Variants in LTBR observed in about 807,000 individuals in gnomAD.
LTBR encodes lymphotoxin beta receptor, also known as tumor necrosis factor receptor superfamily member 3.
LTBR carries 15 observed loss-of-function variants against 45.4 expected under a neutral mutation model. The ratio of observed to expected loss-of-function variants is 0.33; its 90% CI spans 0.22 to 0.51. The LOEUF (loss-of-function observed/expected upper bound fraction) is 0.51, where lower values mean the gene tolerates loss of function less well. LTBR is among the 20% of genes least tolerant of loss of function. The pLI is 0.97. For synonymous variants in LTBR, 228 were observed against 231.0 expected, an observed-to-expected ratio of 0.99 and a Z score of 0.12; for missense variants, 450 against 565.5, an observed-to-expected ratio of 0.80 and a Z score of 2.07.
upstream of LTBR, among the ~76,000 whole-genome samples, chr12:6,382,792 C>T (rs1948997216): frequency 6.6e-6 from 1 of 152,224 alleles, no homozygotes; most frequent in Non-Finnish European, 1.5e-5. Flanking sequence ...GAGTGCTGAA[C>T]AGAGTCCTTC....
intron 9 of LTBR, 99 bp from the exon 10 acceptor site, chr12:6,390,561 C>A: frequency 7.9e-7 from 1 of 1,260,410 alleles, no homozygotes; most frequent in Non-Finnish European, 1.1e-6. Context: ...AGGAGAGGGG[C>A]GGGGCCAGGG....
At position 6,385,339 on chromosome 12, in the gene LTBR, A is replaced by G. The variant is rs1227687240; in HGVS notation, c.432A>G (p.Leu144=). The change falls in exon 4 of 10, where the codon CTA becomes CTG. Residue 144 remains leucine (L), a synonymous_variant. Coordinates refer to ENST00000228918, the MANE Select transcript of LTBR (RefSeq NM_002342.3). The stretch of plus-strand genomic sequence containing the variant: ...CCCTCGAGTGTACACACTGCGAGCT[A>G]CTTTCTGACTGCCCGCCTGGCACTG... The part of the protein sequence containing the change: ...AWALECTHCE[L]LSDCPPGTEA... 1.2e-6 allele frequency: 2 copies of G among 1,614,096 alleles called. No individual in the cohort carries two copies. Among genetic ancestry groups the G allele is most frequent in the Non-Finnish European group, 1.7e-6 (2 of 1,180,008 alleles).
Position 6,385,280 on chromosome 12 carries a change from C to T in LTBR, c.373C>T (p.Arg125Cys), listed in dbSNP as rs371101623. 2 of 1,613,976 alleles carry T rather than the reference C, an allele frequency of 1.2e-6. No individual in the cohort carries two copies. Among genetic ancestry groups the T allele is most frequent in the African/African-American group, 1.3e-5 (1 of 74,926 alleles). The change falls in exon 4 of 10, where the codon CGC becomes TGC. Residue 125 changes from arginine to cysteine, a missense_variant. Transcript: ENST00000228918. Reference protein sequence around the residue: ...PCTSKRKTQCRCQPGMFCAAW... With the variant: ...PCTSKRKTQCCCQPGMFCAAW... ...CACAAGCAAACGGAAGACCCAGTGC[C>T]GCTGCCAGCCGGGAATGTTCTGTGC...
chr12:6,375,654 GGAGGGCTCCC>G, intron 1 of LTBR: 1 of 1,481,994 alleles, frequency 6.7e-7, no homozygotes, highest in Non-Finnish European at 8.9e-7. Context: ...TCCGAAGGAA[GGAGGGCTCCC>G]GAGGGCAGGT....
rs921404726 is a variant in LTBR at position 6,390,050 on chromosome 12, G to GGAGA, written c.802-57_802-54dup. On this transcript the variant is annotated intron_variant, in intron 8 of 9. Coordinates refer to ENST00000228918, the MANE Select transcript of LTBR (RefSeq NM_002342.3). ...AAAGAGAGAAAGAAGAGGGAGGGAGGGAGAGAGAAAAAAGGGTCTGGGGCC... is the reference window on the plus strand; with the variant it reads ...AAAGAGAGAAAGAAGAGGGAGGGAGGGAGAGAGAGAGAAAAAAGGGTCTGGGGCC... 12 of 989,176 alleles carry GGAGA rather than the reference G, an allele frequency of 1.2e-5. No homozygotes were observed. In the African/African-American group the frequency reaches 1.8e-4, roughly 15 times the overall value. The allele number at this position is 989,176 out of a possible 1,614,324, so 61.3% of individuals were successfully genotyped here. A position where few individuals can be genotyped will look rare whatever the true frequency, so the allele number is the denominator to read the frequency against.
At position 6,386,259 on chromosome 12, in the gene LTBR, C is replaced by T; in HGVS notation, c.570-88C>T. 4.8e-6 allele frequency: 7 copies of T among 1,473,418 alleles called. No homozygotes were observed. Among genetic ancestry groups the T allele is most frequent in the Non-Finnish European group, 6.6e-6 (7 of 1,056,060 alleles). 91.3% of individuals were successfully genotyped at this position (1,473,418 alleles called of 1,614,324 possible). A position where few individuals can be genotyped will look rare whatever the true frequency, so the allele number is the denominator to read the frequency against. ...TCCTTGACACCACGGACTCGACTCA[C>T]CACTTTCAGCCTCCCCGCCTGCCCA... is the stretch of plus-strand genomic sequence containing the variant. On this transcript the variant is annotated intron_variant, in intron 5 of 9. Transcript: ENST00000228918. This position sits in a 1 kb window ranked among gnomAD's most constrained non-coding sequence, Gnocchi z 4.1.
chr12:6,375,437 G>C, exon 1 of LTBR: 1 of 1,534,126 alleles, frequency 6.5e-7, no homozygotes, highest in Non-Finnish European at 8.7e-7. Flanking sequence ...CCACTCCCAG[G>C]TTGCGGCTGG....
At chr12:6,380,703 A>G (rs866043928), upstream of LTBR, among the ~76,000 whole-genome samples, 12 of 151,666 alleles carry the variant, frequency 7.9e-5, no homozygotes, top group East Asian at 1.9e-4. Flanking sequence ...AAAAAAAAAA[A>G]AAGAAGAAGA....
chr12:6,384,863 C>A, intron 2 of LTBR, 159 bp from the exon 3 acceptor site: 1 of 1,060,092 alleles, frequency 9.4e-7, no homozygotes, highest in Non-Finnish European at 1.4e-6. Context: ...CCCACTGGGC[C>A]TCCTCTTTCC....
At chr12:6,384,009 G>A (rs867712612), upstream of LTBR, 108 of 1,156,974 alleles carry the variant, frequency 9.3e-5, no homozygotes, top group Middle Eastern at 1.4e-3. Flanking sequence ...GAGGAGGCCG[G>A]TTCCGGCCCC....
intron 1 of LTBR, chr12:6,376,264 C>G: frequency 1.1e-6 from 1 of 877,288 alleles, no homozygotes; most frequent in Non-Finnish European, 1.4e-6. Flanking sequence ...CCCCCTCCAA[C>G]CTTGTCCAGA....
At position 6,384,327 on chromosome 12, in the gene LTBR, C is replaced by T. The variant is rs1207831153; in HGVS notation, c.-32C>T. 1.3e-4 allele frequency: 192 copies of T among 1,460,792 alleles called. No individual in the cohort carries two copies. The highest frequency in any genetic ancestry group is 1.7e-4 in the Non-Finnish European group (191 of 1,112,176). 90.5% of individuals were successfully genotyped at this position (1,460,792 alleles called of 1,614,324 possible). A position where few individuals can be genotyped will look rare whatever the true frequency, so the allele number is the denominator to read the frequency against. On this transcript the variant is annotated 5_prime_UTR_variant, in exon 1 of 10. Transcript: ENST00000228918. ...GCCTCCTGCCTTCCTCCCAGGCCCC[C>T]ACGTTGCTGGCCGCCTGGCCGAGTG...
chr12:6,390,404 C>G, intron 9 of LTBR, 64 bp downstream of exon 9: 1 of 1,394,612 alleles, frequency 7.2e-7, no homozygotes, highest in Non-Finnish European at 9.9e-7. Context: ...CAGGGAGAGA[C>G]TGTGGGCCAG....
rs765849869 is a variant in LTBR, at chr12:6,386,468, A to AGG, written c.667+24_667+25insGG. 1.0e-5 allele frequency: 12 copies of AGG among 1,162,726 alleles called. No individual in the cohort carries two copies. The highest frequency in any genetic ancestry group is 1.4e-5 in the South Asian group (1 of 70,216). 72.0% of individuals were successfully genotyped at this position (1,162,726 alleles called of 1,614,324 possible). ...AGGTGAGGGACCAGGGCTGAGGGAC[A>AGG]CGGGGGGGGCGCCTCTGAAAATGCC... On this transcript the variant is annotated intron_variant, in intron 6 of 9. Transcript: ENST00000228918. The surrounding 1 kb of genome is among the most constrained non-coding windows in gnomAD (Gnocchi z 4.1).
rs949126842 is a variant in LTBR, at chr12:6,388,496, A to G, written c.766A>G (p.Arg256Gly). Residue 256 changes from arginine (R) to glycine (G), a missense_variant, in exon 7 of 10, where the codon AGG becomes GGG. Arg to Gly is a moderately radical substitution (Grantham distance 125). Coordinates refer to ENST00000228918, the MANE Select transcript of LTBR (RefSeq NM_002342.3). The surrounding 1 kb of genome is among the most constrained non-coding windows in gnomAD (Gnocchi z 4.3). ...CIWKSHPSLC[R>G]KLGSLLKRRP... is the part of the protein sequence containing the mutation. Reference sequence around the variant, plus strand: ...CTGGAAGAGCCACCCTTCTCTCTGCAGGAAACTGGGTAGGAAAGGGTTGGA... The same window carrying G: ...CTGGAAGAGCCACCCTTCTCTCTGCGGGAAACTGGGTAGGAAAGGGTTGGA... The G allele has an allele frequency of 1.2e-6, 2 of 1,613,866 alleles. No homozygotes were observed. Among genetic ancestry groups the G allele is most frequent in the African/African-American group, 2.7e-5 (2 of 74,912 alleles).
chr12:6,377,701 G>A (rs1456015918), intron 1 of LTBR: 2 of 1,293,270 alleles, frequency 1.5e-6, no homozygotes, highest in Non-Finnish European at 2.0e-6. Flanking sequence ...AAGGTGCTCA[G>A]CACCCTGGCT....
chr12:6,375,528 G>GGGGAGCCCGCCCGCCGGCCGGCCA, exon 1 of LTBR: 1 of 1,535,380 alleles, frequency 6.5e-7, no homozygotes. Flanking sequence ...CGGCCTGGCT[G>GGGGAGCCCGCCCGCCGGCCGGCCA]GGGAGCCCGC....
upstream of LTBR, among the ~76,000 whole-genome samples, chr12:6,383,844 C>T (rs1025895114): frequency 7.9e-5 from 12 of 152,210 alleles, no homozygotes; most frequent in East Asian, 2.1e-3. Context: ...CCTCGCTTTC[C>T]AGATCCCGCA....
At position 6,388,962 on chromosome 12, in the gene LTBR, C is replaced by T. The variant is rs138453324; in HGVS notation, c.801+137C>T. On this transcript the variant is annotated intron_variant, in intron 8 of 9. Transcript: ENST00000228918. The surrounding 1 kb of genome is among the most constrained non-coding windows in gnomAD (Gnocchi z 4.3). Reference sequence around the variant, plus strand: ...AACTGATGATTTACTGAACATGCCACGTACCAGGCACTGTCCTAGGCACTG... The same window carrying T: ...AACTGATGATTTACTGAACATGCCATGTACCAGGCACTGTCCTAGGCACTG... 116 of 1,085,316 alleles carry T rather than the reference C, an allele frequency of 1.1e-4. 1 individual carries two copies. The South Asian group carries it at 1.4e-3, about 13-fold the overall frequency. 67.2% of individuals were successfully genotyped at this position (1,085,316 alleles called of 1,614,324 possible).
Sources: gnomAD v4.1 joint callset for allele counts (sites outside exome capture counted in the v4.1 genomes callset) on GRCh38, gnomAD v4.1.1 for gene constraint, Gnocchi (gnomAD v3.1) non-coding constraint, MANE v1.5 for transcripts, NCBI Gene and HGNC (gene_info 2026-07-23, HGNC 2026-07-21) for gene names.